The following DOCK3 variants were observed in gnomAD, a reference collection of about 807,000 sequenced individuals.
DOCK3 encodes the protein dedicator of cytokinesis protein 3.
Under a neutral mutation model 265.6 loss-of-function variants are expected in DOCK3, and 60 were observed. That is an observed-to-expected ratio of 0.23 (90% CI 0.18 to 0.28). DOCK3 has a LOEUF of 0.28. Ranked by LOEUF, DOCK3 falls within the 10% of genes least tolerant of loss-of-function variation. The pLI is 1.00. For missense variants in DOCK3, 1,981 were observed against 2,594.3 expected (o/e 0.76, Z 5.14); for synonymous variants, 881 against 938.0 (o/e 0.94, Z 1.11).
At chr3:51,350,467 C>T in intron 40 of DOCK3, 75 bp downstream of exon 40, 1 of 1,499,502 alleles carries the variant, frequency 6.7e-7, no homozygotes, top group African/African-American at 1.4e-5. Flanking sequence ...TTCTTTTCTT[C>T]CCCTTTTTGC....
intron 5 of DOCK3, among the ~76,000 whole-genome samples, chr3:51,042,185 C>A (rs1280027315): frequency 6.6e-6 from 1 of 152,162 alleles, no homozygotes; most frequent in South Asian, 2.1e-4. Context: ...AAATCCTCAA[C>A]AAAATACTGG....
In DOCK3 at chr3:50,907,360, A is replaced by T. The variant is rs140648564; in HGVS notation, c.218+17279A>T. On this transcript the variant is annotated intron_variant, in intron 4 of 52. Coordinates refer to ENST00000266037, the MANE Select transcript of DOCK3 (RefSeq NM_004947.5). ...CTAATGTTGACAGTGGGGTGTTAAA[A>T]GTCTCCCATTATTATTGTTTGGAGT... is the stretch of plus-strand genomic sequence containing the variant. Among the ~76,000 whole-genome samples the T allele has an allele frequency of 2.6e-5, 4 of 152,162 alleles. No homozygotes were observed. The East Asian group carries it at 7.7e-4, about 29-fold the overall frequency.
rs573988418 is a variant in DOCK3, at chr3:51,036,561, T to C, written c.316-27887T>C. Among the ~76,000 whole-genome samples, 20 of 152,318 alleles carry C rather than the reference T, an allele frequency of 1.3e-4. 1 individual carries two copies. The highest frequency in any genetic ancestry group is 1.2e-3 in the Admixed American group (19 of 15,290). On this transcript the variant is annotated intron_variant, in intron 5 of 52. Coordinates refer to ENST00000266037, the MANE Select transcript of DOCK3 (RefSeq NM_004947.5). ...AAAATAGTACCTTAAAGGTTTAATATGTCTTAAAGAACAGAATGCTGAACT... is the reference window on the plus strand; with the variant it reads ...AAAATAGTACCTTAAAGGTTTAATACGTCTTAAAGAACAGAATGCTGAACT...
intron 5 of DOCK3, among the ~76,000 whole-genome samples, chr3:51,042,821 C>A (rs1406217414): frequency 6.6e-6 from 1 of 152,134 alleles, no homozygotes; most frequent in East Asian, 1.9e-4. Flanking sequence ...AGAGCCAAAT[C>A]ATGAACAAAC....
At chr3:50,846,848 G>A (rs1266710298) in intron 3 of DOCK3, among the ~76,000 whole-genome samples, 1 of 151,936 alleles carries the variant, frequency 6.6e-6, no homozygotes, top group Non-Finnish European at 1.5e-5. Context: ...TATTTGTGTG[G>A]GATTGGCTAT....
chr3:51,269,211 AAT>A (rs753419017), intron 23 of DOCK3, among the ~76,000 whole-genome samples: 5 of 148,332 alleles, frequency 3.4e-5, no homozygotes, highest in African/African-American at 1.2e-4. Flanking sequence ...ATATATACAT[AAT>A]ATATATATGT....
At chr3:51,242,511 G>T (rs1263831124) in intron 21 of DOCK3, among the ~76,000 whole-genome samples, 1 of 152,154 alleles carries the variant, frequency 6.6e-6, no homozygotes, top group African/African-American at 2.4e-5. Flanking sequence ...GACCAAGGTG[G>T]CAGAGGCAAC....
chr3:51,230,649 T>C (rs2090506331), intron 19 of DOCK3, among the ~76,000 whole-genome samples: 1 of 152,102 alleles, frequency 6.6e-6, no homozygotes. Context: ...CCAGAGTAGC[T>C]AGGACTACAG....
At chr3:50,683,824 TCCCCGCTCTCCTCCCCCC>T in intron 1 of DOCK3, among the ~76,000 whole-genome samples, 1 of 22,432 alleles carries the variant, frequency 4.5e-5, no homozygotes, top group Non-Finnish European at 1.1e-4. Context: ...TCCCCTCCCC[TCCCCGCTCTCCTCCCCCC>T]CCCCCACCCA....
At chr3:50,984,516 T>G (rs1022532156) in intron 5 of DOCK3, among the ~76,000 whole-genome samples, 1 of 152,204 alleles carries the variant, frequency 6.6e-6, no homozygotes, top group Non-Finnish European at 1.5e-5. Flanking sequence ...TGGCTGGCAT[T>G]TTTTTCTTTC....
chr3:50,798,498 T>C (rs970328746), intron 2 of DOCK3, among the ~76,000 whole-genome samples: 3 of 152,186 alleles, frequency 2.0e-5, no homozygotes, highest in Non-Finnish European at 2.9e-5. Flanking sequence ...GAAAGAACAG[T>C]GTCCTGGGGG....
intron 1 of DOCK3, among the ~76,000 whole-genome samples, chr3:50,728,654 T>G (rs1283376663): frequency 6.6e-6 from 1 of 152,064 alleles, no homozygotes; most frequent in Non-Finnish European, 1.5e-5. Flanking sequence ...AAATATTGCT[T>G]GAATGGCTCA....
At chr3:50,930,959 T>G (rs2051032710) in intron 4 of DOCK3, among the ~76,000 whole-genome samples, 1 of 152,128 alleles carries the variant, frequency 6.6e-6, no homozygotes, top group South Asian at 2.1e-4. Context: ...GGGCAGTGAC[T>G]TGGGGACAGG....
At chr3:51,015,968 GATATATATATCATATATTTCTACATA>G (rs1175176775) in intron 5 of DOCK3, among the ~76,000 whole-genome samples, 580 of 23,908 alleles carry the variant, frequency 0.024, 249 homozygotes, top group Non-Finnish European at 0.035. Context: ...TATAATATAT[GATATATATATCATATATTTCTACATA>G]ATATATATAT....
chr3:51,241,202 A>G (rs895587824), intron 21 of DOCK3, among the ~76,000 whole-genome samples: 1 of 152,246 alleles, frequency 6.6e-6, no homozygotes, highest in Admixed American at 6.5e-5. Flanking sequence ...TTGGCTGGAT[A>G]TGAAATTATT....
At chr3:51,373,707 C>A (rs1009282640) in intron 49 of DOCK3, among the ~76,000 whole-genome samples, 1 of 152,124 alleles carries the variant, frequency 6.6e-6, no homozygotes, top group African/African-American at 2.4e-5. Context: ...AGGAGTAGAA[C>A]ATGAATCAAG....
chr3:51,330,065 C>G, intron 32 of DOCK3, 73 bp from the exon 33 acceptor site: 1 of 1,439,794 alleles, frequency 6.9e-7, no homozygotes, highest in Admixed American at 2.0e-5. Context: ...CATCCTCACC[C>G]ACCACAGGAA....
chr3:51,276,271 C>A, intron 25 of DOCK3: 1 of 702,440 alleles, frequency 1.4e-6, no homozygotes, highest in Non-Finnish European at 1.7e-6. Context: ...TTGATCTTGG[C>A]TCCAGGTAAG....
At chr3:51,187,186 A>T (rs984754248) in intron 12 of DOCK3, among the ~76,000 whole-genome samples, 1 of 152,192 alleles carries the variant, frequency 6.6e-6, no homozygotes, top group African/African-American at 2.4e-5. Flanking sequence ...GACTATGGGA[A>T]CCTACCTCTT....
Sources: gnomAD v4.1 joint callset for allele counts (sites outside exome capture counted in the v4.1 genomes callset) on GRCh38, gnomAD v4.1.1 for gene constraint, MANE v1.5 for transcripts, NCBI Gene and HGNC (gene_info 2026-07-23, HGNC 2026-07-21) for gene names.